The following MYRFL variants were observed in gnomAD, a reference collection of about 807,000 sequenced individuals.
The protein encoded by MYRFL is myelin regulatory factor like, also known as myelin regulatory factor-like protein.
MYRFL carries 88 observed loss-of-function variants against 109.4 expected under a neutral mutation model. The ratio of observed to expected loss-of-function variants is 0.80; its 90% CI spans 0.68 to 0.96. The LOEUF (loss-of-function observed/expected upper bound fraction) is 0.96, where lower values mean the gene tolerates loss of function less well. MYRFL is among the 40% of genes least tolerant of loss of function. MYRFL has a pLI of 0.00. For synonymous variants in MYRFL, 324 were observed against 320.9 expected, an observed-to-expected ratio of 1.01 and a Z score of -0.10; for missense variants, 957 against 954.9, an observed-to-expected ratio of 1.00 and a Z score of -0.03.
intron 1 of MYRFL, among the ~76,000 whole-genome samples, chr12:69,832,217 A>G (rs1170117740): frequency 6.6e-6 from 1 of 152,156 alleles, no homozygotes; most frequent in Non-Finnish European, 1.5e-5. Context: ...GAGCAATGTT[A>G]TATGCCCTGA....
At chr12:69,848,648 G>C (rs1883700844) in intron 1 of MYRFL, among the ~76,000 whole-genome samples, 2 of 151,894 alleles carry the variant, frequency 1.3e-5, no homozygotes, top group Non-Finnish European at 2.9e-5. Flanking sequence ...GGTATTCTTT[G>C]ATTTTATAAG....
intron 1 of MYRFL, among the ~76,000 whole-genome samples, chr12:69,827,027 C>T (rs1472770111): frequency 1.3e-5 from 2 of 152,062 alleles, no homozygotes; most frequent in African/African-American, 4.8e-5. Flanking sequence ...GTCCAGTGCT[C>T]TACCTCTGAG....
At chr12:69,831,898 T>A (rs1882651091) in intron 1 of MYRFL, among the ~76,000 whole-genome samples, 1 of 152,138 alleles carries the variant, frequency 6.6e-6, no homozygotes, top group Admixed American at 6.6e-5. Flanking sequence ...TAATGTTTTA[T>A]TTGGGAAGAA....
intron 2 of MYRFL, among the ~76,000 whole-genome samples, chr12:69,867,316 T>A (rs1184301346): frequency 6.6e-6 from 1 of 152,068 alleles, no homozygotes; most frequent in East Asian, 1.9e-4. Flanking sequence ...GAAACTGCAA[T>A]GAAAAAGGGC....
intron 5 of MYRFL, among the ~76,000 whole-genome samples, chr12:69,881,987 A>G (rs183692640): frequency 2.6e-5 from 4 of 152,322 alleles, no homozygotes; most frequent in Admixed American, 2.0e-4. Flanking sequence ...TAAGGGATAC[A>G]GGACAAGTCA....
At chr12:69,901,303 G>C (rs1026453496) in intron 10 of MYRFL, among the ~76,000 whole-genome samples, 1 of 152,212 alleles carries the variant, frequency 6.6e-6, no homozygotes, top group African/African-American at 2.4e-5. Context: ...ATTGTGGCTT[G>C]CTTTCACACA....
At chr12:69,891,598 T>TC (rs1491557979) in intron 7 of MYRFL, among the ~76,000 whole-genome samples, 64 of 138,736 alleles carry the variant, frequency 4.6e-4, no homozygotes, top group South Asian at 1.2e-3. Flanking sequence ...TCTTTCTTTC[T>TC]TTCTTTCTCT....
intron 11 of MYRFL, 88 bp downstream of exon 11, chr12:69,903,932 G>A (rs1422927885): frequency 2.2e-5 from 27 of 1,211,028 alleles, no homozygotes; most frequent in Middle Eastern, 2.7e-4. Context: ...ACCTTGAACC[G>A]CACATCTTTA....
intron 1 of MYRFL, among the ~76,000 whole-genome samples, chr12:69,829,365 G>C (rs1187381462): frequency 6.6e-6 from 1 of 152,114 alleles, no homozygotes; most frequent in Non-Finnish European, 1.5e-5. Flanking sequence ...TACCACGGAA[G>C]TGCCCCATGT....
chr12:69,956,614 C>G (rs1252097281), intron 22 of MYRFL, among the ~76,000 whole-genome samples: 2 of 151,898 alleles, frequency 1.3e-5, no homozygotes, highest in Non-Finnish European at 2.9e-5. Flanking sequence ...CCCTCTCTCC[C>G]TCTGCTTGCC....
chr12:69,906,559 C>G (rs1954368892), intron 11 of MYRFL, among the ~76,000 whole-genome samples: 1 of 145,654 alleles, frequency 6.9e-6, no homozygotes, highest in East Asian at 1.9e-4. Context: ...TTAAAAAATT[C>G]AAGCCAGAAA....
At chr12:69,932,347 G>A (rs984098573) in intron 15 of MYRFL, among the ~76,000 whole-genome samples, 166 bp from the exon 16 acceptor site, 1 of 152,226 alleles carries the variant, frequency 6.6e-6, no homozygotes, top group Non-Finnish European at 1.5e-5. Flanking sequence ...TTGAAAGAAT[G>A]TTGTTTTCAG....
At chr12:69,938,682 T>G (rs575889550) in intron 19 of MYRFL, among the ~76,000 whole-genome samples, 8 of 152,298 alleles carry the variant, frequency 5.3e-5, no homozygotes, top group Admixed American at 3.9e-4. Flanking sequence ...TAAAAAAAGC[T>G]TATAAAATAA....
At chr12:69,869,598 C>T (rs1181987344) in intron 2 of MYRFL, among the ~76,000 whole-genome samples, 1 of 152,212 alleles carries the variant, frequency 6.6e-6, no homozygotes, top group Admixed American at 6.5e-5. Context: ...TTGTTATGCA[C>T]CAACTCTGTA....
intron 19 of MYRFL, chr12:69,946,668 C>G (rs1565649000): frequency 1.3e-5 from 2 of 152,318 alleles, no homozygotes; most frequent in South Asian, 2.1e-4. Context: ...CCACAGACCC[C>G]TTTATGCAAT....
At position 69,895,415 on chromosome 12, in the gene MYRFL, G is replaced by A; in HGVS notation, c.1025G>A (p.Arg342Gln). 11 of 1,535,432 alleles carry A rather than the reference G, an allele frequency of 7.2e-6. No homozygotes were observed. The highest frequency in any genetic ancestry group is 1.4e-5 in the African/African-American group (1 of 73,032). Residue 342 changes from arginine to glutamine, a missense_variant, in exon 9 of 25, where the codon CGA becomes CAA. Transcript: ENST00000552032. The part of the protein sequence containing the change: ...ADQVTKVTLG[R>Q]LHFSETTANN... The stretch of plus-strand genomic sequence containing the variant: ...CAGGTCACCAAAGTAACACTGGGAC[G>A]ATTACACTTCAGCGAAACCACAGCA...
chr12:69,910,213 T>G, intron 12 of MYRFL, 136 bp downstream of exon 12: 1 of 641,692 alleles, frequency 1.6e-6, no homozygotes, highest in Non-Finnish European at 2.5e-6. Context: ...AAACTCATAG[T>G]CACTAGAACA....
At chr12:69,910,547 G>A (rs1954528091) in intron 12 of MYRFL, among the ~76,000 whole-genome samples, 1 of 148,012 alleles carries the variant, frequency 6.8e-6, no homozygotes, top group Non-Finnish European at 1.5e-5. Context: ...TATAGGAAAA[G>A]AAAGGAAATC....
chr12:69,888,082 G>T (rs781572126), intron 6 of MYRFL, among the ~76,000 whole-genome samples: 3 of 152,130 alleles, frequency 2.0e-5, no homozygotes, highest in African/African-American at 7.2e-5. Context: ...AGTTTTCAAG[G>T]TAAGTGTTAT....
Sources: allele counts gnomAD v4.1 joint callset (sites outside exome capture counted in the v4.1 genomes callset), GRCh38; gene constraint gnomAD v4.1.1; transcripts MANE v1.5; gene names NCBI Gene and HGNC (gene_info 2026-07-23, HGNC 2026-07-21).